RLN2: variants seen among roughly 807,000 people sequenced by gnomAD.
RLN2 encodes the protein prorelaxin H2.
Under a neutral mutation model 7.3 loss-of-function variants are expected in RLN2, and 10 were observed. The ratio of observed to expected loss-of-function variants is 1.36; its 90% CI spans 0.84 to 2.31. The LOEUF (loss-of-function observed/expected upper bound fraction) is 2.31, where lower values mean the gene tolerates loss of function less well. Among genes scored for constraint, RLN2 ranks in the 30% most tolerant of loss-of-function variants. The pLI is 0.00. For missense variants in RLN2, 298 were observed against 217.6 expected, an observed-to-expected ratio of 1.37 and a Z score of -2.32; for synonymous variants, 103 against 82.3, an observed-to-expected ratio of 1.25 and a Z score of -1.36.
chr9:5,311,578 T>C, the RLN2 span: 6 of 833,164 alleles, frequency 7.2e-6, no homozygotes, highest in African/African-American at 3.3e-5. Flanking sequence ...AAAACGCCCA[T>C]GCAAAGACAG....
At chr9:5,317,933 G>A in the RLN2 span, among the ~76,000 whole-genome samples, 1 of 151,686 alleles carries the variant, frequency 6.6e-6, no homozygotes, top group Admixed American at 6.6e-5. Flanking sequence ...CCAATGGGGT[G>A]GTGGGAATGC....
the RLN2 span, among the ~76,000 whole-genome samples, chr9:5,328,380 T>C: frequency 6.6e-6 from 1 of 151,804 alleles, no homozygotes; most frequent in Non-Finnish European, 1.5e-5. Context: ...TGAAAAGAAA[T>C]GAACAAAGCC....
chr9:5,311,780 T>C, the RLN2 span: 4 of 754,710 alleles, frequency 5.3e-6, no homozygotes, highest in Middle Eastern at 3.9e-4. Flanking sequence ...ATGATTTTTT[T>C]ATCAAGTTTT....
At chr9:5,331,855 C>T in the RLN2 span, among the ~76,000 whole-genome samples, 1 of 151,886 alleles carries the variant, frequency 6.6e-6, no homozygotes, top group Non-Finnish European at 1.5e-5. Flanking sequence ...ACTGGTGCAA[C>T]CTCTTTGGAG....
the RLN2 span, among the ~76,000 whole-genome samples, chr9:5,333,966 A>C: frequency 6.6e-6 from 1 of 152,060 alleles, no homozygotes; most frequent in Non-Finnish European, 1.5e-5. Context: ...ATAAAATTCA[A>C]CATCGCTTCA....
At chr9:5,316,728 A>G in the RLN2 span, among the ~76,000 whole-genome samples, 2 of 151,760 alleles carry the variant, frequency 1.3e-5, no homozygotes, top group African/African-American at 4.9e-5. Context: ...AGTCTTTACT[A>G]TTGTGAATAG....
chr9:5,323,134 A>C, the RLN2 span, among the ~76,000 whole-genome samples: 1 of 151,572 alleles, frequency 6.6e-6, no homozygotes, highest in African/African-American at 2.4e-5. Context: ...CCTTCCCACA[A>C]TTCATCTCTA....
At chr9:5,325,256 A>T in the RLN2 span, among the ~76,000 whole-genome samples, 1 of 151,954 alleles carries the variant, frequency 6.6e-6, no homozygotes, top group Non-Finnish European at 1.5e-5. Flanking sequence ...ACAGGACTAT[A>T]AGCTCAAGTC....
chr9:5,315,218 G>C, the RLN2 span, among the ~76,000 whole-genome samples: 1 of 151,832 alleles, frequency 6.6e-6, no homozygotes, highest in African/African-American at 2.4e-5. Flanking sequence ...AGACAATTCA[G>C]CAAAATCAGG....
At chr9:5,336,139 CAGG>C in the RLN2 span, among the ~76,000 whole-genome samples, 1 of 152,010 alleles carries the variant, frequency 6.6e-6, no homozygotes, top group Admixed American at 6.6e-5. Flanking sequence ...ATCTAATCAG[CAGG>C]AGAAGGAAAT....
the RLN2 span, chr9:5,335,585 G>A: frequency 6.2e-7 from 1 of 1,603,240 alleles, no homozygotes; most frequent in Non-Finnish European, 8.5e-7. Context: ...GTTGATGAAG[G>A]ATGGTACAAT....
chr9:5,333,489 T>G, the RLN2 span, among the ~76,000 whole-genome samples: 1 of 152,014 alleles, frequency 6.6e-6, no homozygotes, highest in Non-Finnish European at 1.5e-5. Context: ...GCTGAATCCC[T>G]GAATAGACAA....
chr9:5,335,455 T>C, the RLN2 span: 2 of 1,613,778 alleles, frequency 1.2e-6, no homozygotes, highest in Admixed American at 1.7e-5. Flanking sequence ...AATCCTTTAA[T>C]GCAGGTACAT....
At chr9:5,300,497 C>T (rs1816095963) in intron 1 of RLN2, 53 bp from the exon 2 acceptor site, 1 of 1,230,552 alleles carries the variant, frequency 8.1e-7, no homozygotes, top group Non-Finnish European at 1.1e-6. Context: ...TGTCAAAGAG[C>T]ACTCAGAAAA....
chr9:5,300,506 A>G (rs1282969901), intron 1 of RLN2, 62 bp from the exon 2 acceptor site: 2 of 1,124,740 alleles, frequency 1.8e-6, no homozygotes, highest in East Asian at 4.8e-5. Flanking sequence ...GCACTCAGAA[A>G]AACTATGAAT....
the RLN2 span, among the ~76,000 whole-genome samples, chr9:5,321,358 C>T: frequency 3.9e-5 from 6 of 152,016 alleles, no homozygotes; most frequent in South Asian, 6.2e-4. Context: ...ATTTTATTCA[C>T]GTTTTTATTC....
the RLN2 span, among the ~76,000 whole-genome samples, chr9:5,316,380 T>A: frequency 6.6e-6 from 1 of 151,908 alleles, no homozygotes; most frequent in Non-Finnish European, 1.5e-5. Context: ...GCCATGGTGG[T>A]TTGCTGCACC....
chr9:5,304,399 T>C lies in RLN2; in HGVS notation c.182A>G (p.Asp61Gly). ...TWSKRSLSQEDAPQTPRPVAE... is the reference protein window; with the variant it reads ...TWSKRSLSQEGAPQTPRPVAE... ...CACTGGTCTAGGTGTCTGAGGAGCA[T>C]CTTCCTGGCTCAGAGACCTTTTGCT... Residue 61 changes from aspartate (D) to glycine (G), a missense_variant, in exon 1 of 2, where the codon GAT becomes GGT. Physicochemically the swap from Asp to Gly is moderately conservative, Grantham distance 94 (BLOSUM62 -1). Coordinates refer to ENST00000381627, the MANE Select transcript of RLN2 (RefSeq NM_134441.3). 4.4e-6 allele frequency: 7 copies of C among 1,607,094 alleles called. No individual in the cohort carries two copies. Among genetic ancestry groups the C allele is most frequent in the Non-Finnish European group, 5.9e-6 (7 of 1,177,676 alleles).
At chr9:5,320,946 A>G in the RLN2 span, among the ~76,000 whole-genome samples, 1 of 152,062 alleles carries the variant, frequency 6.6e-6, no homozygotes, top group Non-Finnish European at 1.5e-5. Context: ...GGAACAATTT[A>G]TCTCATCAAA....
Sources: gnomAD v4.1 joint callset for allele counts (sites outside exome capture counted in the v4.1 genomes callset) on GRCh38, gnomAD v4.1.1 for gene constraint, MANE v1.5 for transcripts, NCBI Gene and HGNC (gene_info 2026-07-23, HGNC 2026-07-21) for gene names.